AKIRIN2: variants seen among roughly 807,000 people sequenced by gnomAD.
AKIRIN2 encodes akirin 2.
In AKIRIN2, 6 loss-of-function variants were observed where a neutral mutation model predicts 29.3. That is an observed-to-expected ratio of 0.20 (90% CI 0.11 to 0.40). The LOEUF (loss-of-function observed/expected upper bound fraction) is 0.40. Among genes scored for constraint, AKIRIN2 ranks in the 10% least tolerant of loss-of-function variants. The pLI, the probability that AKIRIN2 is intolerant of heterozygous loss-of-function variation, is 1.00. For synonymous variants in AKIRIN2, 128 were observed against 117.5 expected (o/e 1.09, Z -0.58); for missense variants, 210 against 276.1 (o/e 0.76, Z 1.70).
chr6:87,696,486 G>A (rs1771366064), intron 1 of AKIRIN2, among the ~76,000 whole-genome samples: 1 of 151,856 alleles, frequency 6.6e-6, no homozygotes, highest in Admixed American at 6.6e-5. Context: ...CAGATCATGA[G>A]GCCAGAAGAT....
At chr6:87,693,700 G>C (rs1443113804) in intron 1 of AKIRIN2, among the ~76,000 whole-genome samples, 1 of 142,178 alleles carries the variant, frequency 7.0e-6, no homozygotes, top group African/African-American at 3.1e-5. Context: ...ACTCCAGCCT[G>C]GGCGACAGAC....
chr6:87,686,971 G>A (rs948530981), intron 1 of AKIRIN2, among the ~76,000 whole-genome samples: 7 of 150,214 alleles, frequency 4.7e-5, no homozygotes, highest in African/African-American at 1.7e-4. Flanking sequence ...GCTTGAACAC[G>A]GGAGGTGAAG....
rs150426711 is a variant in AKIRIN2, at chr6:87,681,674, A to G, written c.325T>C (p.Cys109Arg). Reference sequence around the variant, plus strand: ...GCATGTGGCTGTGCATCAGAAGTACAACACGGATCTGTCTGTTGGAAACTC... The same window carrying G: ...GCATGTGGCTGTGCATCAGAAGTACGACACGGATCTGTCTGTTGGAAACTC... ...ETSFQQTDPC[C>R]TSDAQPHAFL... is the part of the protein sequence containing the mutation. The change falls in exon 2 of 5, where the codon TGT (cysteine) becomes CGT (arginine). Residue 109 changes from cysteine to arginine, a missense_variant. Around this residue, in one of 2 missense-constraint regions of AKIRIN2, gnomAD observed 199 missense variants for 236.5 expected, o/e 0.84. Coordinates refer to ENST00000257787, the MANE Select transcript of AKIRIN2 (RefSeq NM_018064.4). 213 of 1,613,742 alleles carry G rather than the reference A, an allele frequency of 1.3e-4. No individual in the cohort carries two copies. In the African/African-American group the frequency reaches 2.6e-3, roughly 20 times the overall value.
intron 1 of AKIRIN2, among the ~76,000 whole-genome samples, chr6:87,699,501 G>T (rs1211119471): frequency 6.6e-6 from 1 of 151,842 alleles, no homozygotes; most frequent in Non-Finnish European, 1.5e-5. Flanking sequence ...GTGATTTTAG[G>T]TTTCAGGATA....
intron 1 of AKIRIN2, among the ~76,000 whole-genome samples, chr6:87,696,346 T>G (rs1771362514): frequency 2.0e-5 from 3 of 152,178 alleles, no homozygotes; most frequent in African/African-American, 7.2e-5. Context: ...TAACCTCTAA[T>G]CTAGCCATGT....
At chr6:87,697,961 T>C (rs1351732858) in intron 1 of AKIRIN2, among the ~76,000 whole-genome samples, 1 of 152,260 alleles carries the variant, frequency 6.6e-6, no homozygotes, top group Non-Finnish European at 1.5e-5. Flanking sequence ...GTGCTGGATT[T>C]GATTGACGGT....
chr6:87,698,403 T>C (rs911945098), intron 1 of AKIRIN2, among the ~76,000 whole-genome samples: 1 of 151,518 alleles, frequency 6.6e-6, no homozygotes, highest in African/African-American at 2.4e-5. Flanking sequence ...TGAGCACAGC[T>C]GTGTTCCAAT....
Position 87,702,033 on chromosome 6 carries a change from G to C in AKIRIN2, c.-349C>G. 1 of 403,988 alleles carries C rather than the reference G, an allele frequency of 2.5e-6. No individual in the cohort carries two copies. The highest frequency in any genetic ancestry group is 4.4e-6 in the Non-Finnish European group (1 of 229,174). 25.0% of individuals were successfully genotyped at this position (403,988 alleles called of 1,614,324 possible). The stretch of plus-strand genomic sequence containing the variant: ...CGCTCGAGCTTTGCGCCGCGCCTGA[G>C]GCGCTTCTGTGCTGAGACTAGATCC... On this transcript the variant is annotated 5_prime_UTR_variant, in exon 1 of 5. Transcript: ENST00000257787.
intron 1 of AKIRIN2, among the ~76,000 whole-genome samples, chr6:87,686,482 T>C (rs1450456095): frequency 2.6e-5 from 4 of 151,998 alleles, no homozygotes; most frequent in Non-Finnish European, 5.9e-5. Context: ...GGTGTCAAAA[T>C]ATCTTTCTAG....
Position 87,688,378 on chromosome 6 carries a change from C to T in AKIRIN2, c.236-6615G>A, listed in dbSNP as rs530954413. ...AATTCCTGACCTCAGGTGATCCTCC[C>T]GCCTCAGTCTCCCAAAATGCTGGGA... On this transcript the variant is annotated intron_variant, in intron 1 of 4. Transcript: ENST00000257787. 6.6e-5 allele frequency among the ~76,000 whole-genome samples: 10 copies of T among 152,132 alleles called. No homozygotes were observed. In the South Asian group the frequency reaches 1.0e-3, roughly 16 times the overall value.
At chr6:87,677,010 G>C (rs1216523415) in intron 3 of AKIRIN2, among the ~76,000 whole-genome samples, 1 of 151,020 alleles carries the variant, frequency 6.6e-6, no homozygotes, top group Non-Finnish European at 1.5e-5. Flanking sequence ...CCGGAAAGTA[G>C]AGCTTGCAGT....
At chr6:87,675,782 TA>T in intron 4 of AKIRIN2, 77 bp downstream of exon 4, 1 of 1,491,812 alleles carries the variant, frequency 6.7e-7, no homozygotes, top group Non-Finnish European at 9.3e-7. Flanking sequence ...TCTTTTTGAG[TA>T]TGAAAATAAT....
intron 2 of AKIRIN2, among the ~76,000 whole-genome samples, chr6:87,680,620 G>C (rs1771104613): frequency 1.3e-5 from 2 of 151,958 alleles, no homozygotes; most frequent in East Asian, 1.9e-4. Context: ...AGGGGGAGGA[G>C]AGAAAGCGTT....
intron 1 of AKIRIN2, among the ~76,000 whole-genome samples, chr6:87,696,834 C>T (rs1231597773): frequency 6.6e-6 from 1 of 151,946 alleles, no homozygotes; most frequent in African/African-American, 2.4e-5. Flanking sequence ...GGTGAAACCC[C>T]ATCTCTTCTA....
At chr6:87,676,735 G>A (rs1186970878) in intron 3 of AKIRIN2, among the ~76,000 whole-genome samples, 1 of 151,344 alleles carries the variant, frequency 6.6e-6, no homozygotes, top group African/African-American at 2.4e-5. Flanking sequence ...AGCCAAGATC[G>A]TGCCACTGCA....
chr6:87,701,913 T>C lies in AKIRIN2; in HGVS notation c.-229A>G. The C allele has an allele frequency of 2.4e-6, 1 of 412,948 alleles. No homozygotes were observed. Among genetic ancestry groups the C allele is most frequent in the Non-Finnish European group, 4.3e-6 (1 of 234,082 alleles). The allele number at this position is 412,948 out of a possible 1,614,324, so 25.6% of individuals were successfully genotyped here. ...GCCCGGGTGAGAGCGGGAGGGGCGG[T>C]GGCGGGCAGAAGCACACGCCAGTCG... On this transcript the variant is annotated 5_prime_UTR_variant, in exon 1 of 5. Transcript: ENST00000257787.
chr6:87,699,202 T>C (rs1257998943), intron 1 of AKIRIN2, among the ~76,000 whole-genome samples: 1 of 152,190 alleles, frequency 6.6e-6, no homozygotes, highest in Non-Finnish European at 1.5e-5. Flanking sequence ...GAGAAAATTA[T>C]TTCCAAGTTT....
intron 1 of AKIRIN2, among the ~76,000 whole-genome samples, chr6:87,695,467 A>C (rs1160920891): frequency 6.6e-6 from 1 of 152,218 alleles, no homozygotes; most frequent in Non-Finnish European, 1.5e-5. Context: ...AGTTTTGTAT[A>C]GGCTTAAATA....
intron 1 of AKIRIN2, among the ~76,000 whole-genome samples, chr6:87,697,046 C>T (rs1733983366): frequency 1.3e-5 from 2 of 151,768 alleles, no homozygotes; most frequent in South Asian, 4.2e-4. Context: ...CACAGGCTCA[C>T]ACCTATAATC....
Sources: allele counts gnomAD v4.1 joint callset (sites outside exome capture counted in the v4.1 genomes callset), GRCh38; gene constraint gnomAD v4.1.1; regional missense constraint gnomAD v4.1.1; transcripts MANE v1.5; gene names NCBI Gene and HGNC (gene_info 2026-07-23, HGNC 2026-07-21).